The following CRYBG1 variants were observed in gnomAD, a reference collection of about 807,000 sequenced individuals.
CRYBG1 encodes beta/gamma crystallin domain-containing protein 1.
CRYBG1 carries 139 observed loss-of-function variants against 189.2 expected under a neutral mutation model. That is an observed-to-expected ratio of 0.73 (90% CI 0.64 to 0.85). The LOEUF is 0.85. Ranked by LOEUF, CRYBG1 falls within the 40% of genes least tolerant of loss-of-function variation. CRYBG1 has a pLI of 0.00. For missense variants in CRYBG1, 2,611 were observed against 2,675.8 expected (o/e 0.98, Z 0.53); for synonymous variants, 1,023 against 1,017.1 (o/e 1.01, Z -0.11).
At chr6:106,486,543 A>G (rs2114487372) in intron 2 of CRYBG1, among the ~76,000 whole-genome samples, 1 of 152,292 alleles carries the variant, frequency 6.6e-6, no homozygotes, top group South Asian at 2.1e-4. Flanking sequence ...GAAGCCCACT[A>G]TGATTACTGT....
chr6:106,496,767 TGATACAA>T (rs1409343903), intron 2 of CRYBG1, among the ~76,000 whole-genome samples: 1 of 152,194 alleles, frequency 6.6e-6, no homozygotes. Flanking sequence ...AGTTTCTCTG[TGATACAA>T]GATAAAGATA....
chr6:106,563,028 C>T (rs946627188), intron 20 of CRYBG1, among the ~76,000 whole-genome samples: 1 of 152,150 alleles, frequency 6.6e-6, no homozygotes, highest in Non-Finnish European at 1.5e-5. Context: ...TAGGGTCTCA[C>T]AAGTGATCCT....
At chr6:106,568,414 C>G (rs888297976) in intron 21 of CRYBG1, 58 bp from the exon 22 acceptor site, 1 of 1,341,584 alleles carries the variant, frequency 7.5e-7, no homozygotes, top group Admixed American at 1.7e-5. Context: ...GGAATTGTGT[C>G]TGCTATAGAC....
chr6:106,377,647 A>ATATATATATATATATATATT (rs1562290499), intron 1 of CRYBG1, among the ~76,000 whole-genome samples: 2 of 144,162 alleles, frequency 1.4e-5, no homozygotes, highest in Admixed American at 6.9e-5. Flanking sequence ...ATATATATAT[A>ATATATATATATATATATATT]TTTTCATTTG....
intron 2 of CRYBG1, chr6:106,454,890 T>C (rs140107587): frequency 6.6e-6 from 1 of 152,506 alleles, no homozygotes; most frequent in Non-Finnish European, 1.5e-5. Context: ...GATTTCTTTG[T>C]TCCTTCTCCA....
At chr6:106,382,947 G>A (rs114065798) in intron 1 of CRYBG1, among the ~76,000 whole-genome samples, 24 of 152,226 alleles carry the variant, frequency 1.6e-4, no homozygotes, top group African/African-American at 5.8e-4. Context: ...TAAGTAATCT[G>A]CTTACTACAA....
In CRYBG1 at chr6:106,427,082, T is replaced by C. The variant is rs1031847988; in HGVS notation, c.174-24612T>C. On this transcript the variant is annotated intron_variant, in intron 1 of 21. Transcript: ENST00000633556. ...GCTGGTTATTCCTCCTCTTCCCAACTTTGAAATGTGGAAGGGCCTCAGGGC... is the reference window on the plus strand; with the variant it reads ...GCTGGTTATTCCTCCTCTTCCCAACCTTGAAATGTGGAAGGGCCTCAGGGC... Among the ~76,000 whole-genome samples the C allele has an allele frequency of 2.0e-5, 3 of 152,134 alleles. No individual in the cohort carries two copies. The South Asian group carries it at 6.2e-4, about 32-fold the overall frequency.
At chr6:106,535,091 ATG>A (rs951422616) in intron 8 of CRYBG1, among the ~76,000 whole-genome samples, 1 of 152,330 alleles carries the variant, frequency 6.6e-6, no homozygotes, top group African/African-American at 2.4e-5. Flanking sequence ...AGAATAATAT[ATG>A]TATATATGTG....
At chr6:106,460,596 G>A (rs769884328) in intron 2 of CRYBG1, among the ~76,000 whole-genome samples, 4 of 152,090 alleles carry the variant, frequency 2.6e-5, no homozygotes, top group East Asian at 1.9e-4. Context: ...AACCCAGAAC[G>A]CTGCCCTGCC....
chr6:106,390,902 A>G (rs998844257), intron 1 of CRYBG1, among the ~76,000 whole-genome samples: 1 of 152,186 alleles, frequency 6.6e-6, no homozygotes, highest in African/African-American at 2.4e-5. Flanking sequence ...CTTTTGGTGA[A>G]CATAAGTATG....
At position 106,512,103 on chromosome 6, in the gene CRYBG1, G is replaced by A. The variant is rs1407613668; in HGVS notation, c.986G>A (p.Arg329His). The A allele has an allele frequency of 5.9e-6, 9 of 1,534,312 alleles. No individual in the cohort carries two copies. Among genetic ancestry groups the A allele is most frequent in the Middle Eastern group, 1.7e-4 (1 of 5,848 alleles). The change falls in exon 3 of 22, where the codon CGC becomes CAC. Residue 329 changes from arginine (R) to histidine (H), a missense_variant. Physicochemically the swap from Arg to His is conservative, Grantham distance 29 (BLOSUM62 0). This residue lies in a region of CRYBG1 where 985 missense variants were observed against 924.4 expected (regional missense o/e 1.07). Coordinates refer to ENST00000633556, the MANE Select transcript of CRYBG1 (RefSeq NM_001371242.2). ...GCCGAAGAAGGCTCCCTGGGGCCCC[G>A]CAACGCCCGCAGCCAGCCCCCCAAG... ...VCAEEGSLGPRNARSQPPKGA... is the reference protein window; with the variant it reads ...VCAEEGSLGPHNARSQPPKGA...
rs763362118 is a variant in CRYBG1 at position 106,512,309 on chromosome 6, C to T, written c.1192C>T (p.Pro398Ser). 7 of 1,600,244 alleles carry T rather than the reference C, an allele frequency of 4.4e-6. No individual in the cohort carries two copies. In the Admixed American group the frequency reaches 1.0e-4, roughly 24 times the overall value. ...AGTGGACGAGCCGGTCGTGATTACTCCCAGAGCGGAAGATTGCGGTGACTG... is the reference window on the plus strand; with the variant it reads ...AGTGGACGAGCCGGTCGTGATTACTTCCAGAGCGGAAGATTGCGGTGACTG... ...AQVDEPVVIT[P>S]RAEDCGDWDD... The change falls in exon 3 of 22, where the codon CCC becomes TCC. Residue 398 changes from proline to serine, a missense_variant. Transcript: ENST00000633556.
At position 106,544,684 on chromosome 6, in the gene CRYBG1, G is replaced by T; in HGVS notation, c.5153G>T (p.Arg1718Leu). 6.2e-7 allele frequency: 1 copy of T among 1,613,932 alleles called. No individual in the cohort carries two copies. The highest frequency in any genetic ancestry group is 1.1e-5 in the South Asian group (1 of 91,046). The change falls in exon 12 of 22, where the codon CGA (arginine) becomes CTA (leucine). Residue 1718 changes from arginine (R) to leucine (L), a missense_variant. Arg to Leu is a moderately radical substitution (Grantham distance 102, BLOSUM62 -2). Transcript: ENST00000633556. ...TACAATGGAGAGCTTCAGTCTTTAC[G>T]ACCTATATTAGGTGTAAGTAAAGGA... is the stretch of plus-strand genomic sequence containing the variant. Reference protein sequence around the residue: ...GGYNGELQSLRPILGDFSNAH... With the variant: ...GGYNGELQSLLPILGDFSNAH...
chr6:106,362,571 A>G (rs1031063230), intron 1 of CRYBG1, among the ~76,000 whole-genome samples: 20 of 152,186 alleles, frequency 1.3e-4, no homozygotes, highest in African/African-American at 4.8e-4. Flanking sequence ...AGCACTTAGA[A>G]GAGCGTGGCA....
intron 8 of CRYBG1, among the ~76,000 whole-genome samples, chr6:106,532,663 G>A (rs1278758304): frequency 6.6e-6 from 1 of 152,108 alleles, no homozygotes; most frequent in Non-Finnish European, 1.5e-5. Context: ...CTTGAGTGAT[G>A]TTGAACATTT....
chr6:106,521,118 C>T lies in CRYBG1; in HGVS notation c.3910C>T (p.Leu1304=), dbSNP rs1773597009. 6.2e-7 allele frequency: 1 copy of T among 1,614,174 alleles called. No individual in the cohort carries two copies. Among genetic ancestry groups the T allele is most frequent in the Non-Finnish European group, 8.5e-7 (1 of 1,180,040 alleles). Reference sequence around the variant, plus strand: ...TTTGAACAAAGAACAGTCAAATCTTCTGCCCGACAACTCCTTAAAGGTCTT... The same window carrying T: ...TTTGAACAAAGAACAGTCAAATCTTTTGCCCGACAACTCCTTAAAGGTCTT... ...CGLNKEQSNL[L]PDNSLKVFNF... Residue 1304 remains leucine (L), a synonymous_variant, in exon 4 of 22, where the codon CTG becomes TTG. Coordinates refer to ENST00000633556, the MANE Select transcript of CRYBG1 (RefSeq NM_001371242.2).
At chr6:106,524,143 GTAATATTTTTACA>G (rs1344675195) in intron 4 of CRYBG1, among the ~76,000 whole-genome samples, 1 of 152,146 alleles carries the variant, frequency 6.6e-6, no homozygotes, top group African/African-American at 2.4e-5. Context: ...TTCACGTTTT[GTAATATTTTTACA>G]TGTATAATTA....
chr6:106,362,212 G>A (rs1185769056), intron 1 of CRYBG1, among the ~76,000 whole-genome samples: 1 of 151,278 alleles, frequency 6.6e-6, no homozygotes, highest in Non-Finnish European at 1.5e-5. Context: ...CTCATGATCC[G>A]CCCGCCTCGG....
At chr6:106,544,970 G>C in intron 13 of CRYBG1, 37 bp downstream of exon 13, 1 of 1,558,456 alleles carries the variant, frequency 6.4e-7, no homozygotes. Context: ...TTAAACATGC[G>C]TTTTACCTTG....
Sources: allele counts gnomAD v4.1 joint callset (sites outside exome capture counted in the v4.1 genomes callset), GRCh38; gene constraint gnomAD v4.1.1; regional missense constraint gnomAD v4.1.1; transcripts MANE v1.5; gene names NCBI Gene and HGNC (gene_info 2026-07-23, HGNC 2026-07-21).